CFAP57: variants seen among roughly 807,000 people sequenced by gnomAD.
The protein encoded by CFAP57 is cilia and flagella associated protein 57.
CFAP57 carries 116 observed loss-of-function variants against 146.8 expected under a neutral mutation model. The ratio of observed to expected loss-of-function variants is 0.79; its 90% CI spans 0.68 to 0.92. The LOEUF is 0.92. Ranked by LOEUF, CFAP57 falls within the 40% of genes least tolerant of loss-of-function variation. CFAP57 has a pLI of 0.00. For missense variants in CFAP57, 1,377 were observed against 1,527.2 expected, an observed-to-expected ratio of 0.90 and a Z score of 1.64; for synonymous variants, 518 against 552.8, an observed-to-expected ratio of 0.94 and a Z score of 0.88.
At chr1:43,217,149 C>T (rs938328666) in intron 12 of CFAP57, among the ~76,000 whole-genome samples, 19 of 152,032 alleles carry the variant, frequency 1.2e-4, no homozygotes, top group African/African-American at 4.3e-4. Context: ...CAAAGCTGCT[C>T]CTAGTTAGGT....
In CFAP57 at chr1:43,219,487, C is replaced by T; in HGVS notation, c.2197C>T (p.Leu733=). ...DMNYSEKIKE[L]TDKFIQEMES... ...GAACTATTCTGAGAAGATTAAGGAG[C>T]TAACAGACAAGTTCATCCAGGAAAT... Residue 733 remains leucine, a synonymous_variant, in exon 13 of 23, where the codon CTA becomes TTA. Coordinates refer to ENST00000372492, the MANE Select transcript of CFAP57 (RefSeq NM_001378189.1). The T allele has an allele frequency of 6.4e-7, 1 of 1,550,490 alleles. No individual in the cohort carries two copies. Among genetic ancestry groups the T allele is most frequent in the Non-Finnish European group, 8.7e-7 (1 of 1,146,964 alleles).
intron 7 of CFAP57, among the ~76,000 whole-genome samples, chr1:43,197,977 C>T (rs1308397296): frequency 1.3e-5 from 2 of 152,174 alleles, no homozygotes; most frequent in African/African-American, 2.4e-5. Context: ...TCCTGGGTCC[C>T]TCCAGCTCTC....
At chr1:43,223,921 A>T (rs1645145082) in intron 16 of CFAP57, 125 bp from the exon 17 acceptor site, 1 of 1,136,966 alleles carries the variant, frequency 8.8e-7, no homozygotes, top group Non-Finnish European at 1.2e-6. Context: ...GAAATGTTGA[A>T]TGCTAAGTGT....
chr1:43,182,450 G>A (rs975770986), intron 3 of CFAP57, among the ~76,000 whole-genome samples: 4 of 152,136 alleles, frequency 2.6e-5, no homozygotes, highest in Non-Finnish European at 5.9e-5. Context: ...CAAGTTCAAC[G>A]ACTCAGTTGT....
At chr1:43,215,532 C>A in intron 12 of CFAP57, 116 bp downstream of exon 12, 2 of 1,201,514 alleles carry the variant, frequency 1.7e-6, no homozygotes, top group Non-Finnish European at 2.3e-6. Flanking sequence ...CAGTGCAGAC[C>A]CCCACGGCTC....
At chr1:43,230,080 A>G (rs752086234) in intron 18 of CFAP57, among the ~76,000 whole-genome samples, 3 of 152,188 alleles carry the variant, frequency 2.0e-5, no homozygotes, top group Non-Finnish European at 4.4e-5. Context: ...CAATTTTTCT[A>G]TAAACAGATT....
Position 43,181,579 on chromosome 1 carries a change from A to G in CFAP57, c.203A>G (p.Asn68Ser), listed in dbSNP as rs542043815. The G allele has an allele frequency of 8.1e-6, 13 of 1,614,146 alleles. No individual in the cohort carries two copies. Among genetic ancestry groups the G allele is most frequent in the African/African-American group, 5.3e-5 (4 of 75,024 alleles). Residue 68 changes from asparagine to serine, a missense_variant, in exon 3 of 23, where the codon AAT (asparagine) becomes AGT (serine). Coordinates refer to ENST00000372492, the MANE Select transcript of CFAP57 (RefSeq NM_001378189.1). ...ATGTTGGCCTTGTCCATCAGTCCCAATCGGCGGTACCTCGCTATCTCTGAG... is the reference window on the plus strand; with the variant it reads ...ATGTTGGCCTTGTCCATCAGTCCCAGTCGGCGGTACCTCGCTATCTCTGAG... ...QGMLALSISP[N>S]RRYLAISETV...
chr1:43,213,510 GGC>G lies in CFAP57; in HGVS notation c.1930-1743_1930-1742del, dbSNP rs1553180277. Reference sequence around the variant, plus strand: ...TTGGTGGTACAATAAATATGGGGGGGGCGGTGGAGCGCAGGTATCCTTTCAAT... The same window carrying G: ...TTGGTGGTACAATAAATATGGGGGGGGGTGGAGCGCAGGTATCCTTTCAAT... On this transcript the variant is annotated intron_variant, in intron 11 of 22. Transcript: ENST00000372492. 1.6e-4 allele frequency among the ~76,000 whole-genome samples: 24 copies of G among 147,500 alleles called. 2 individuals are homozygous for G. Among genetic ancestry groups the G allele is most frequent in the Middle Eastern group, 3.4e-3 (1 of 294 alleles).
intron 9 of CFAP57, 66 bp from the exon 10 acceptor site, chr1:43,206,654 C>G: frequency 6.3e-7 from 1 of 1,577,182 alleles, no homozygotes; most frequent in South Asian, 1.1e-5. Context: ...GGAGTTTGCA[C>G]CCTTTTCTGT....
chr1:43,178,728 G>A (rs990426556), intron 2 of CFAP57, among the ~76,000 whole-genome samples: 2 of 152,190 alleles, frequency 1.3e-5, no homozygotes, highest in Non-Finnish European at 2.9e-5. Flanking sequence ...ACAGTGTGGT[G>A]ATTCCTCAGG....
At chr1:43,203,030 G>A (rs1050500953) in intron 9 of CFAP57, among the ~76,000 whole-genome samples, 3 of 151,834 alleles carry the variant, frequency 2.0e-5, no homozygotes, top group South Asian at 2.1e-4. Flanking sequence ...AATATTAGCC[G>A]AGCATGGTGG....
intron 2 of CFAP57, among the ~76,000 whole-genome samples, chr1:43,177,704 G>T (rs1392443882): frequency 6.6e-6 from 1 of 152,194 alleles, no homozygotes; most frequent in Non-Finnish European, 1.5e-5. Flanking sequence ...TTCTGCCCCA[G>T]ATCATCAGGC....
intron 22 of CFAP57, among the ~76,000 whole-genome samples, chr1:43,249,541 T>C (rs1460718311): frequency 5.0e-5 from 7 of 140,036 alleles, no homozygotes; most frequent in African/African-American, 1.3e-4. Flanking sequence ...GCAATTCTCC[T>C]GCCTCAGCCT....
chr1:43,198,440 G>T (rs1643959071), intron 7 of CFAP57, 41 bp from the exon 8 acceptor site: 4 of 1,605,076 alleles, frequency 2.5e-6, no homozygotes, highest in Non-Finnish European at 3.4e-6. Flanking sequence ...GAAGGATTTA[G>T]TGAGCTAAGC....
chr1:43,251,819 G>A (rs182233218), intron 22 of CFAP57, among the ~76,000 whole-genome samples: 32 of 152,298 alleles, frequency 2.1e-4, no homozygotes, highest in Admixed American at 7.8e-4. Flanking sequence ...CTAAATCCTC[G>A]TCTTTCATAG....
intron 12 of CFAP57, among the ~76,000 whole-genome samples, chr1:43,218,073 G>A (rs1247540360): frequency 6.6e-6 from 1 of 152,110 alleles, no homozygotes; most frequent in African/African-American, 2.4e-5. Context: ...TAGTCTGCTG[G>A]CCAGGAATGC....
At chr1:43,215,143 C>T (rs1401208356) in intron 11 of CFAP57, 112 bp from the exon 12 acceptor site, 2 of 1,274,212 alleles carry the variant, frequency 1.6e-6, no homozygotes, top group Non-Finnish European at 2.2e-6. Flanking sequence ...GTTTACCTCC[C>T]TGTGAGGCTG....
chr1:43,219,465 C>A lies in CFAP57; in HGVS notation c.2175C>A (p.Asn725Lys), dbSNP rs1194814901. 6 of 1,550,562 alleles carry A rather than the reference C, an allele frequency of 3.9e-6. No homozygotes were observed. Among genetic ancestry groups the A allele is most frequent in the Non-Finnish European group, 5.2e-6 (6 of 1,146,996 alleles). The stretch of plus-strand genomic sequence containing the variant: ...ATCAACTCCGACTAAAGGACATGAA[C>A]TATTCTGAGAAGATTAAGGAGCTAA... ...NEYQLRLKDM[N>K]YSEKIKELTD... The change falls in exon 13 of 23, where the codon AAC becomes AAA. Residue 725 changes from asparagine (N) to lysine (K), a missense_variant. Asn to Lys is a moderately conservative substitution (Grantham distance 94, BLOSUM62 0). Coordinates refer to ENST00000372492, the MANE Select transcript of CFAP57 (RefSeq NM_001378189.1).
intron 5 of CFAP57, 81 bp from the exon 6 acceptor site, chr1:43,186,626 A>G (rs903080782): frequency 5.6e-6 from 7 of 1,252,456 alleles, no homozygotes; most frequent in South Asian, 1.4e-5. Flanking sequence ...AAAAAAAAAA[A>G]AAAAAAAGAA....
Sources: allele counts gnomAD v4.1 joint callset (sites outside exome capture counted in the v4.1 genomes callset), GRCh38; gene constraint gnomAD v4.1.1; transcripts MANE v1.5; gene names NCBI Gene and HGNC (gene_info 2026-07-23, HGNC 2026-07-21).